Variants in CHST4 observed in about 807,000 individuals in gnomAD.
CHST4 encodes the protein GST-3.
For missense variants in CHST4, 466 were observed against 506.0 expected (o/e 0.92, Z 0.76); for synonymous variants, 171 against 195.5 (o/e 0.87, Z 1.05).
intron 1 of CHST4, among the ~76,000 whole-genome samples, chr16:71,528,699 G>GA (rs1567580562): frequency 1.3e-5 from 2 of 152,190 alleles, no homozygotes; most frequent in Non-Finnish European, 2.9e-5. Context: ...AATCTCATGG[G>GA]AAGTGTAAGT....
In CHST4 at chr16:71,537,444, T is replaced by C. The variant is rs1312956145; in HGVS notation, c.767T>C (p.Ile256Thr). The C allele has an allele frequency of 3.7e-6, 6 of 1,613,988 alleles. No homozygotes were observed. The highest frequency in any genetic ancestry group is 8.5e-7 in the Non-Finnish European group (1 of 1,180,036). ...MQVICQSQLE[I>T]YKTIQSLPKA... ...GTCATCTGCCAAAGCCAGCTGGAGA[T>C]CTACAAGACCATCCAGTCCTTGCCC... The change falls in exon 2 of 2, where the codon ATC becomes ACC. Residue 256 changes from isoleucine to threonine, a missense_variant. Transcript: ENST00000539698. This position sits in a 1 kb window ranked among gnomAD's most constrained non-coding sequence, Gnocchi z 4.2.
In CHST4 at chr16:71,537,105, A is replaced by C. The variant is rs1486835453; in HGVS notation, c.428A>C (p.Gln143Pro). 1.2e-6 allele frequency: 2 copies of C among 1,614,174 alleles called. No individual in the cohort carries two copies. The highest frequency in any genetic ancestry group is 2.2e-5 in the South Asian group (2 of 91,072). The change falls in exon 2 of 2, where the codon CAA (glutamine) becomes CCA (proline). Residue 143 changes from glutamine (Q) to proline (P), a missense_variant. Physicochemically the swap from Gln to Pro is moderately conservative, Grantham distance 76 (BLOSUM62 -1). Coordinates refer to ENST00000539698, the MANE Select transcript of CHST4 (RefSeq NM_001166395.2). This position sits in a 1 kb window ranked among gnomAD's most constrained non-coding sequence, Gnocchi z 4.2. Reference sequence around the variant, plus strand: ...GCACCTGCCTGTGACATCATCCCACAAGATGAAATCATCCCCCGGGCTCAC... The same window carrying C: ...GCACCTGCCTGTGACATCATCCCACCAGATGAAATCATCCCCCGGGCTCAC... ...CSAPACDIIP[Q>P]DEIIPRAHCR...
At chr16:71,532,406 G>A (rs747353806) in intron 1 of CHST4, among the ~76,000 whole-genome samples, 3 of 152,168 alleles carry the variant, frequency 2.0e-5, no homozygotes, top group Non-Finnish European at 4.4e-5. Context: ...ACCAGTCATT[G>A]ACATTTTCTG....
At chr16:71,536,517 G>C in intron 1 of CHST4, 143 bp from the exon 2 acceptor site, 1 of 467,974 alleles carries the variant, frequency 2.1e-6, no homozygotes, top group East Asian at 3.3e-5. Context: ...AAGGACTGGT[G>C]CCATTGTTGG....
In CHST4 at chr16:71,537,243, C is replaced by T. The variant is rs773279233; in HGVS notation, c.566C>T (p.Pro189Leu). The T allele has an allele frequency of 6.2e-6, 10 of 1,614,076 alleles. No individual in the cohort carries two copies. Among genetic ancestry groups the T allele is most frequent in the African/African-American group, 4.0e-5 (3 of 74,926 alleles). Residue 189 changes from proline (P) to leucine (L), a missense_variant, in exon 2 of 2, where the codon CCG becomes CTG. By Grantham distance (98) the Pro-to-Leu change is moderately conservative. Coordinates refer to ENST00000539698, the MANE Select transcript of CHST4 (RefSeq NM_001166395.2). This position sits in a 1 kb window ranked among gnomAD's most constrained non-coding sequence, Gnocchi z 4.2. The part of the protein sequence containing the change: ...VRFFNLQSLY[P>L]LLKDPSLNLH... ...TTCTTCAACCTGCAGTCCCTCTACCCGCTGCTGAAAGACCCCTCCCTCAAC... is the reference window on the plus strand; with the variant it reads ...TTCTTCAACCTGCAGTCCCTCTACCTGCTGCTGAAAGACCCCTCCCTCAAC...
chr16:71,538,131 G>A lies in CHST4; in HGVS notation c.*293G>A. 2.3e-6 allele frequency: 1 copy of A among 429,952 alleles called. No homozygotes were observed. 26.6% of individuals were successfully genotyped at this position (429,952 alleles called of 1,614,324 possible). On this transcript the variant is annotated 3_prime_UTR_variant, in exon 2 of 2. Transcript: ENST00000539698. ...GCAGACTTCAGAGACTTTGTGGCCT[G>A]GAGGCCTATTAAGCACGACACAGTA...
At chr16:71,536,600 A>C in intron 1 of CHST4, 60 bp from the exon 2 acceptor site, 1 of 1,274,020 alleles carries the variant, frequency 7.8e-7, no homozygotes, top group South Asian at 2.6e-5. Context: ...CCAGAAGGGG[A>C]ATAGAAGGCA....
chr16:71,538,406 G>A lies in CHST4; in HGVS notation c.*568G>A, dbSNP rs559538208. The A allele has an allele frequency of 1.2e-5, 2 of 167,832 alleles. No homozygotes were observed. The highest frequency in any genetic ancestry group is 1.5e-5 in the Non-Finnish European group (1 of 68,644). The allele number at this position is 167,832 out of a possible 1,614,324, so 10.4% of individuals were successfully genotyped here. A position where few individuals can be genotyped will look rare whatever the true frequency, so the allele number is the denominator to read the frequency against. On this transcript the variant is annotated 3_prime_UTR_variant, in exon 2 of 2. Coordinates refer to ENST00000539698, the MANE Select transcript of CHST4 (RefSeq NM_001166395.2). ...AAAGAGCAAGCTCTTAAGTTCACAG[G>A]GTGCCTGGGCTGCATTTGAATATCA...
At chr16:71,528,310 G>A (rs1379174670) in intron 1 of CHST4, among the ~76,000 whole-genome samples, 2 of 151,744 alleles carry the variant, frequency 1.3e-5, no homozygotes, top group Admixed American at 1.3e-4. Flanking sequence ...ATGGTTGGGG[G>A]GCCTTAGAAT....
chr16:71,534,348 C>CTTTTTT (rs548597955), intron 1 of CHST4, among the ~76,000 whole-genome samples: 29 of 123,340 alleles, frequency 2.4e-4, no homozygotes, highest in African/African-American at 3.7e-4. Flanking sequence ...ACATTTCTTT[C>CTTTTTT]TTTTTTTTTT....
At chr16:71,529,863 G>A (rs1462538891) in intron 1 of CHST4, among the ~76,000 whole-genome samples, 1 of 152,164 alleles carries the variant, frequency 6.6e-6, no homozygotes, top group Non-Finnish European at 1.5e-5. Flanking sequence ...AATCTCAAGA[G>A]GGGGCTGGGC....
chr16:71,536,753 A>C lies in CHST4; in HGVS notation c.76A>C (p.Met26Leu), dbSNP rs1190834762. The change falls in exon 2 of 2, where the codon ATG (methionine) becomes CTG (leucine). Residue 26 changes from methionine (M) to leucine (L), a missense_variant. By Grantham distance (15) the Met-to-Leu change is conservative. Coordinates refer to ENST00000539698, the MANE Select transcript of CHST4 (RefSeq NM_001166395.2). ...QMAILALFFH[M>L]YSHNISSLSM... Reference sequence around the variant, plus strand: ...GGCCATCTTGGCTCTATTCTTCCACATGTACAGCCACAACATCAGCTCCCT... The same window carrying C: ...GGCCATCTTGGCTCTATTCTTCCACCTGTACAGCCACAACATCAGCTCCCT... 44 of 1,507,586 alleles carry C rather than the reference A, an allele frequency of 2.9e-5. No individual in the cohort carries two copies. The highest frequency in any genetic ancestry group is 3.9e-5 in the Non-Finnish European group (44 of 1,129,298). The allele number at this position is 1,507,586 out of a possible 1,614,324, so 93.4% of individuals were successfully genotyped here. A position where few individuals can be genotyped will look rare whatever the true frequency, so the allele number is the denominator to read the frequency against.
In CHST4 at chr16:71,536,978, G is replaced by C. The variant is rs143449711; in HGVS notation, c.301G>C (p.Val101Leu). The C allele has an allele frequency of 6.2e-6, 10 of 1,613,952 alleles. No individual in the cohort carries two copies. The South Asian group carries it at 1.1e-4, about 18-fold the overall frequency. ...HMAVRDLIRA[V>L]FLCDMSVFDA... ...GGCTGTGCGGGATCTGATACGGGCCGTCTTCTTGTGCGACATGAGCGTCTT... is the reference window on the plus strand; with the variant it reads ...GGCTGTGCGGGATCTGATACGGGCCCTCTTCTTGTGCGACATGAGCGTCTT... The change falls in exon 2 of 2, where the codon GTC becomes CTC. Residue 101 changes from valine to leucine, a missense_variant. Val to Leu is a conservative substitution (Grantham distance 32). Transcript: ENST00000539698.
At chr16:71,536,629 C>A in intron 1 of CHST4, 31 bp from the exon 2 acceptor site, 1 of 1,362,422 alleles carries the variant, frequency 7.3e-7, no homozygotes, top group East Asian at 2.6e-5. Flanking sequence ...AACAGCAGCC[C>A]AACTCCACCC....
chr16:71,529,541 C>CTCT (rs1217192011), intron 1 of CHST4, among the ~76,000 whole-genome samples: 1 of 58,750 alleles, frequency 1.7e-5, no homozygotes, highest in African/African-American at 7.5e-5. Flanking sequence ...CCATGCTCAT[C>CTCT]TATTTTTTTT....
intron 1 of CHST4, among the ~76,000 whole-genome samples, chr16:71,532,205 G>T (rs936935085): frequency 6.6e-6 from 1 of 151,948 alleles, no homozygotes; most frequent in Non-Finnish European, 1.5e-5. Context: ...CCGCCACCAC[G>T]CCTGGCTAAT....
chr16:71,529,838 T>G (rs535076475), intron 1 of CHST4, among the ~76,000 whole-genome samples: 36 of 152,042 alleles, frequency 2.4e-4, no homozygotes, highest in Non-Finnish European at 4.4e-4. Flanking sequence ...TAACAGAAGG[T>G]CTGGGAAACA....
chr16:71,526,381 C>G (rs2043907423), upstream of CHST4: 1 of 152,148 alleles, frequency 6.6e-6, no homozygotes, highest in Admixed American at 6.6e-5. Flanking sequence ...GACGGTTATG[C>G]AAAAGCAAGT....
At chr16:71,526,399 G>A (rs752072481), upstream of CHST4, 1 of 152,360 alleles carries the variant, frequency 6.6e-6, no homozygotes, top group Non-Finnish European at 1.5e-5. Context: ...AGTAGGAGGA[G>A]GAAGCCAAGA....
Sources: allele counts gnomAD v4.1 joint callset (sites outside exome capture counted in the v4.1 genomes callset), GRCh38; gene constraint gnomAD v4.1.1; non-coding constraint Gnocchi (gnomAD v3.1); transcripts MANE v1.5; gene names NCBI Gene and HGNC (gene_info 2026-07-23, HGNC 2026-07-21).